The following CREB5 variants were observed in gnomAD, a reference collection of about 807,000 sequenced individuals.
CREB5 encodes cAMP responsive element binding protein 5.
CREB5 carries 19 observed loss-of-function variants against 57.1 expected under a neutral mutation model. That is an observed-to-expected ratio of 0.33 (90% CI 0.23 to 0.49). The LOEUF is 0.49. CREB5 is among the 20% of genes least tolerant of loss of function. CREB5 has a pLI of 0.99. For missense variants in CREB5, 579 were observed against 671.6 expected (o/e 0.86, Z 1.52); for synonymous variants, 238 against 238.3 (o/e 1.00, Z 0.01).
chr7:28,760,999 G>T (rs1805609791), intron 7 of CREB5, among the ~76,000 whole-genome samples: 1 of 152,156 alleles, frequency 6.6e-6, no homozygotes, highest in African/African-American at 2.4e-5. Context: ...CATATAGGAG[G>T]CTCATGTTAC....
chr7:28,587,864 A>G (rs1796357992), intron 5 of CREB5, among the ~76,000 whole-genome samples: 1 of 152,104 alleles, frequency 6.6e-6, no homozygotes, highest in African/African-American at 2.4e-5. Flanking sequence ...CAATACCTAA[A>G]ATGTCTCCAT....
chr7:28,450,410 C>A (rs1268567264), intron 1 of CREB5, among the ~76,000 whole-genome samples: 1 of 152,198 alleles, frequency 6.6e-6, no homozygotes, highest in Non-Finnish European at 1.5e-5. Context: ...CTGTTCTAAA[C>A]TGCCATTTGG....
At chr7:28,408,726 T>TG (rs1787645010), upstream of CREB5, among the ~76,000 whole-genome samples, 1 of 151,968 alleles carries the variant, frequency 6.6e-6, no homozygotes, top group Admixed American at 6.5e-5. Context: ...TTCATGAGAG[T>TG]GTGCACCATA....
chr7:28,600,190 T>G (rs542548017), intron 5 of CREB5, among the ~76,000 whole-genome samples: 2 of 152,268 alleles, frequency 1.3e-5, no homozygotes, highest in East Asian at 3.9e-4. Context: ...CTTTTACACT[T>G]ACCTCTCCTT....
chr7:28,742,064 TAAAAAAAAAA>T (rs58431827), intron 7 of CREB5, among the ~76,000 whole-genome samples: 1 of 111,400 alleles, frequency 9.0e-6, no homozygotes, highest in Non-Finnish European at 1.8e-5. Context: ...AGATTCCCTC[TAAAAAAAAAA>T]AAAAAAAAAA....
chr7:28,307,121 C>G (rs1420721358), intron 1 of CREB5, among the ~76,000 whole-genome samples: 1 of 152,170 alleles, frequency 6.6e-6, no homozygotes, highest in African/African-American at 2.4e-5. Flanking sequence ...ATGTCAGATG[C>G]CCTTGCCCCT....
chr7:28,825,445 A>G lies in CREB5; in HGVS notation c.*6166A>G, dbSNP rs2128812818. ...TAGCTCAGTTCAAATACAATGTTCTAGGACAATTGGAATATAAATATTGTC... is the reference window on the plus strand; with the variant it reads ...TAGCTCAGTTCAAATACAATGTTCTGGGACAATTGGAATATAAATATTGTC... On this transcript the variant is annotated 3_prime_UTR_variant, in exon 11 of 11. Transcript: ENST00000357727. 1 of 152,788 alleles carries G rather than the reference A, an allele frequency of 6.5e-6. No individual in the cohort carries two copies. Among genetic ancestry groups the G allele is most frequent in the Middle Eastern group, 3.4e-3 (1 of 294 alleles). The allele number at this position is 152,788 out of a possible 1,614,324, so 9.5% of individuals were successfully genotyped here.
chr7:28,697,507 A>ACCCCCT (rs1177695652), intron 5 of CREB5, among the ~76,000 whole-genome samples: 10 of 142,322 alleles, frequency 7.0e-5, no homozygotes, highest in African/African-American at 2.6e-4. Context: ...AGTCACCCCC[A>ACCCCCT]CCCCCTCCCA....
chr7:28,481,207 G>C (rs1245443523), intron 1 of CREB5, among the ~76,000 whole-genome samples: 3 of 152,152 alleles, frequency 2.0e-5, no homozygotes, highest in Non-Finnish European at 2.9e-5. Context: ...GGAGCAGTGG[G>C]CCTCATTGGA....
At chr7:28,722,916 C>T (rs1285222700) in intron 6 of CREB5, among the ~76,000 whole-genome samples, 2 of 152,148 alleles carry the variant, frequency 1.3e-5, no homozygotes. Context: ...ACCCCTGCTC[C>T]GAGGCAGACA....
chr7:28,433,832 C>T (rs371579563), intron 1 of CREB5, among the ~76,000 whole-genome samples: 5 of 151,896 alleles, frequency 3.3e-5, no homozygotes, highest in East Asian at 1.9e-4. Flanking sequence ...CTTCTGCTTG[C>T]TGTAGCTTCA....
intron 1 of CREB5, among the ~76,000 whole-genome samples, chr7:28,385,974 A>G (rs1787090042): frequency 6.6e-6 from 1 of 152,292 alleles, no homozygotes; most frequent in South Asian, 2.1e-4. Context: ...ATATATGTAT[A>G]TAAATAGACT....
intron 5 of CREB5, among the ~76,000 whole-genome samples, chr7:28,639,885 G>A (rs1798579085): frequency 6.6e-6 from 1 of 152,174 alleles, no homozygotes; most frequent in South Asian, 2.1e-4. Flanking sequence ...GGCTATGTTT[G>A]TGGTTTTCTA....
chr7:28,409,444 C>T, upstream of CREB5: 1 of 157,400 alleles, frequency 6.4e-6, no homozygotes, highest in Non-Finnish European at 1.4e-5. This position sits in a 1 kb window ranked among gnomAD's most constrained non-coding sequence, Gnocchi z 4.4. Flanking sequence ...AAAAATACGG[C>T]TCGGCCACTT....
intron 5 of CREB5, among the ~76,000 whole-genome samples, chr7:28,672,299 A>T (rs1800092461): frequency 6.6e-6 from 1 of 152,034 alleles, no homozygotes; most frequent in African/African-American, 2.4e-5. Flanking sequence ...TTCTAATCTC[A>T]GCTTTCTCCT....
At chr7:28,521,282 G>C (rs1053389030) in intron 4 of CREB5, among the ~76,000 whole-genome samples, 1 of 152,200 alleles carries the variant, frequency 6.6e-6, no homozygotes, top group Non-Finnish European at 1.5e-5. Flanking sequence ...TCTTCACTTG[G>C]CATAAGGTAG....
intron 1 of CREB5, among the ~76,000 whole-genome samples, chr7:28,374,073 C>T (rs1246294655): frequency 1.3e-5 from 2 of 151,998 alleles, no homozygotes; most frequent in African/African-American, 4.8e-5. Flanking sequence ...TGAATAAATG[C>T]TTAATTAAAG....
At chr7:28,529,272 A>G (rs867258432) in intron 4 of CREB5, among the ~76,000 whole-genome samples, 3 of 152,308 alleles carry the variant, frequency 2.0e-5, no homozygotes, top group Middle Eastern at 3.4e-3. Flanking sequence ...AGCTCTGCTA[A>G]TTGACCACTC....
In CREB5 at chr7:28,734,495, TTTATC is replaced by T. The variant is rs138582779; in HGVS notation, c.702+10168_702+10172del. 3.9e-5 allele frequency among the ~76,000 whole-genome samples: 6 copies of T among 152,262 alleles called. No homozygotes were observed. In the East Asian group the frequency reaches 9.6e-4, roughly 24 times the overall value. ...TGAAAACATTTTAATAATTATCTAA[TTTATC>T]TTATGGGGTTTCACTTAAAAATTTA... On this transcript the variant is annotated intron_variant, in intron 7 of 10. Coordinates refer to ENST00000357727, the MANE Select transcript of CREB5 (RefSeq NM_182898.4).
Sources: allele counts gnomAD v4.1 joint callset (sites outside exome capture counted in the v4.1 genomes callset), GRCh38; gene constraint gnomAD v4.1.1; non-coding constraint Gnocchi (gnomAD v3.1); transcripts MANE v1.5; gene names NCBI Gene and HGNC (gene_info 2026-07-23, HGNC 2026-07-21).